The following PTPRM variants were observed in gnomAD, a reference collection of about 807,000 sequenced individuals.
PTPRM encodes the protein receptor-type tyrosine-protein phosphatase mu.
Under a neutral mutation model 186.7 loss-of-function variants are expected in PTPRM, and 47 were observed. The ratio of observed to expected loss-of-function variants is 0.25; its 90% CI spans 0.20 to 0.32. The LOEUF is 0.32. Among genes scored for constraint, PTPRM ranks in the 10% least tolerant of loss-of-function variants. The pLI is 1.00. For missense variants in PTPRM, 1,494 were observed against 1,865.0 expected (o/e 0.80, Z 3.66); for synonymous variants, 668 against 674.9 (o/e 0.99, Z 0.16).
At chr18:7,697,781 C>G (rs536218195) in intron 1 of PTPRM, among the ~76,000 whole-genome samples, 1 of 152,302 alleles carries the variant, frequency 6.6e-6, no homozygotes, top group African/African-American at 2.4e-5. Flanking sequence ...TAGAGGATGT[C>G]ATGCCAGTCT....
chr18:7,642,599 A>G (rs557274369), intron 1 of PTPRM, among the ~76,000 whole-genome samples: 1 of 152,162 alleles, frequency 6.6e-6, no homozygotes, highest in Non-Finnish European at 1.5e-5. Flanking sequence ...GCCTGGAGCT[A>G]CTGGTTTTTG....
chr18:7,764,584 C>T (rs2041933130), intron 1 of PTPRM, among the ~76,000 whole-genome samples: 1 of 152,112 alleles, frequency 6.6e-6, no homozygotes, highest in South Asian at 2.1e-4. Flanking sequence ...ATTGGAGCCA[C>T]CTGGAGAGTT....
intron 2 of PTPRM, among the ~76,000 whole-genome samples, chr18:7,822,363 G>A (rs889028262): frequency 9.2e-5 from 14 of 152,190 alleles, no homozygotes; most frequent in Non-Finnish European, 4.4e-5. Context: ...CATTTATAGT[G>A]ACTGAGAAAA....
intron 17 of PTPRM, 161 bp downstream of exon 17, chr18:8,248,337 G>T (rs7236743): frequency 0.053 from 40,463 of 763,700 alleles, 1,251 homozygotes; most frequent in Non-Finnish European, 0.067. Flanking sequence ...AGGAAAAAGA[G>T]ACTTTTCTCT....
chr18:7,891,509 A>G (rs1228421132), intron 3 of PTPRM, among the ~76,000 whole-genome samples: 3 of 152,164 alleles, frequency 2.0e-5, no homozygotes, highest in East Asian at 3.9e-4. Context: ...CTGGTGACCA[A>G]TCAGTAGTTT....
At chr18:8,359,171 T>C (rs1221043900) in intron 23 of PTPRM, among the ~76,000 whole-genome samples, 1 of 152,230 alleles carries the variant, frequency 6.6e-6, no homozygotes, top group African/African-American at 2.4e-5. Context: ...AGACAATTCT[T>C]TATGTGCTAT....
chr18:8,222,209 A>G (rs2094161572), intron 14 of PTPRM, among the ~76,000 whole-genome samples: 1 of 152,182 alleles, frequency 6.6e-6, no homozygotes, highest in Admixed American at 6.5e-5. Flanking sequence ...TTCAGGCCAG[A>G]TTTTGGTTGA....
chr18:7,864,851 G>C (rs1344297743), intron 2 of PTPRM, among the ~76,000 whole-genome samples: 1 of 151,912 alleles, frequency 6.6e-6, no homozygotes, highest in Non-Finnish European at 1.5e-5. Context: ...TGTTCATTTG[G>C]CTGTGTCCTC....
chr18:8,081,278 C>T (rs1017002216), intron 9 of PTPRM, among the ~76,000 whole-genome samples: 9 of 152,194 alleles, frequency 5.9e-5, no homozygotes, highest in African/African-American at 2.2e-4. Context: ...ATAGAAGCAA[C>T]AGTTTACTCC....
intron 14 of PTPRM, among the ~76,000 whole-genome samples, chr18:8,171,252 C>A (rs1346089848): frequency 6.6e-6 from 1 of 152,228 alleles, no homozygotes; most frequent in African/African-American, 2.4e-5. Flanking sequence ...ATGCTTCTTG[C>A]ATCCAGAATG....
chr18:8,272,972 G>A (rs1443026237), intron 19 of PTPRM, among the ~76,000 whole-genome samples: 1 of 152,110 alleles, frequency 6.6e-6, no homozygotes, highest in Non-Finnish European at 1.5e-5. Context: ...ATTATCTTTA[G>A]TAATGTTTTT....
chr18:7,854,498 A>G (rs963471905), intron 2 of PTPRM, among the ~76,000 whole-genome samples: 3 of 152,186 alleles, frequency 2.0e-5, no homozygotes, highest in African/African-American at 7.2e-5. Flanking sequence ...AAACTCCATT[A>G]CAGATGGAAA....
intron 23 of PTPRM, chr18:8,365,698 A>T (rs2095624669): frequency 6.6e-6 from 1 of 152,280 alleles, no homozygotes; most frequent in Non-Finnish European, 1.5e-5. Context: ...GGTTCCCCCT[A>T]GCTGTCCCTC....
At chr18:7,987,196 C>G (rs985524911) in intron 7 of PTPRM, among the ~76,000 whole-genome samples, 5 of 152,098 alleles carry the variant, frequency 3.3e-5, no homozygotes, top group Non-Finnish European at 7.4e-5. Flanking sequence ...CTCTACTGCC[C>G]ACAGTAGATC....
At chr18:7,718,869 G>A (rs992104406) in intron 1 of PTPRM, among the ~76,000 whole-genome samples, 1 of 151,962 alleles carries the variant, frequency 6.6e-6, no homozygotes, top group African/African-American at 2.4e-5. Flanking sequence ...ATATAAGAAT[G>A]GCCATAATTT....
intron 23 of PTPRM, among the ~76,000 whole-genome samples, chr18:8,354,228 A>AAGGG (rs1568814150): frequency 2.7e-5 from 4 of 150,234 alleles, no homozygotes; most frequent in African/African-American, 2.5e-5. Flanking sequence ...AAAAAAAAGT[A>AAGGG]TAATGCAAAG....
intron 7 of PTPRM, among the ~76,000 whole-genome samples, chr18:7,993,935 A>G (rs1488755035): frequency 1.3e-5 from 2 of 152,146 alleles, no homozygotes; most frequent in Non-Finnish European, 2.9e-5. Context: ...AACAATGAAG[A>G]AAATGACAGG....
intron 1 of PTPRM, among the ~76,000 whole-genome samples, chr18:7,708,980 A>G (rs185427752): frequency 9.8e-5 from 15 of 152,308 alleles, no homozygotes; most frequent in Admixed American, 3.3e-4. Context: ...GATGTTTATT[A>G]TAATTCTTTT....
intron 2 of PTPRM, among the ~76,000 whole-genome samples, chr18:7,836,725 C>T (rs10153343): frequency 0.024 from 3,622 of 152,194 alleles, 149 homozygotes; most frequent in African/African-American, 0.083. Context: ...AGTCTTTATT[C>T]CCCTTCATGT....
Sources: allele counts gnomAD v4.1 joint callset (sites outside exome capture counted in the v4.1 genomes callset), GRCh38; gene constraint gnomAD v4.1.1; transcripts MANE v1.5; gene names NCBI Gene and HGNC (gene_info 2026-07-23, HGNC 2026-07-21).